Variants in DLGAP1 observed in about 807,000 individuals in gnomAD.
DLGAP1 encodes DLG associated protein 1, also known as disks large-associated protein 1.
In DLGAP1, 11 loss-of-function variants were observed where a neutral mutation model predicts 90.8. The observed-to-expected ratio is 0.12, with a 90% CI of 0.08 to 0.20. The LOEUF is 0.20. Ranked by LOEUF, DLGAP1 falls within the 10% of genes least tolerant of loss-of-function variation. DLGAP1 has a pLI of 1.00. For missense variants in DLGAP1, 1,050 were observed against 1,333.8 expected, an observed-to-expected ratio of 0.79 and a Z score of 3.31; for synonymous variants, 558 against 540.7, an observed-to-expected ratio of 1.03 and a Z score of -0.44.
At chr18:3,772,476 C>G (rs1598686353) in intron 5 of DLGAP1, among the ~76,000 whole-genome samples, 1 of 127,790 alleles carries the variant, frequency 7.8e-6, no homozygotes, top group African/African-American at 3.0e-5. Flanking sequence ...TTCTTTCTTT[C>G]TTTCTTCTGT....
chr18:3,716,515 G>C (rs1028128278), intron 7 of DLGAP1, among the ~76,000 whole-genome samples: 5 of 150,224 alleles, frequency 3.3e-5, no homozygotes, highest in South Asian at 4.3e-4. Flanking sequence ...CAGCCTGGGT[G>C]ACACAGTGAG....
chr18:4,287,834 A>G (rs1340435266), intron 1 of DLGAP1, among the ~76,000 whole-genome samples: 1 of 152,128 alleles, frequency 6.6e-6, no homozygotes, highest in Non-Finnish European at 1.5e-5. Context: ...CATGTATCCC[A>G]GAACTTAAAG....
chr18:4,153,642 G>A (rs943235961), intron 1 of DLGAP1, among the ~76,000 whole-genome samples: 2 of 152,152 alleles, frequency 1.3e-5, no homozygotes, highest in African/African-American at 2.4e-5. Flanking sequence ...ATTCAGGTAC[G>A]TTTTCTCATT....
At chr18:4,415,250 C>G (rs2082872294) in intron 1 of DLGAP1, among the ~76,000 whole-genome samples, 1 of 151,974 alleles carries the variant, frequency 6.6e-6, no homozygotes, top group South Asian at 2.1e-4. Context: ...AAAATGTAAT[C>G]CACAATTGAA....
intron 2 of DLGAP1, among the ~76,000 whole-genome samples, chr18:4,113,184 A>G (rs879407835): frequency 6.6e-6 from 1 of 152,152 alleles, no homozygotes; most frequent in Non-Finnish European, 1.5e-5. Context: ...GAAATCTCCA[A>G]ACTGCTTTCC....
intron 2 of DLGAP1, among the ~76,000 whole-genome samples, chr18:4,069,725 C>T (rs938722001): frequency 2.0e-5 from 3 of 152,158 alleles, no homozygotes; most frequent in Non-Finnish European, 2.9e-5. Context: ...GTTTGCAGAA[C>T]GTGAGCCAAT....
At chr18:4,292,265 C>T (rs576187411) in intron 1 of DLGAP1, among the ~76,000 whole-genome samples, 60 of 152,026 alleles carry the variant, frequency 3.9e-4, no homozygotes, top group Non-Finnish European at 7.8e-4. Flanking sequence ...TCCACTTTAT[C>T]ATTGTTTAAT....
chr18:4,150,583 G>A (rs1440429684), intron 2 of DLGAP1, among the ~76,000 whole-genome samples: 2 of 152,126 alleles, frequency 1.3e-5, no homozygotes, highest in African/African-American at 4.8e-5. Context: ...ACAGGCACCT[G>A]CCACCACACC....
chr18:4,129,766 C>T lies in DLGAP1; in HGVS notation c.-159+21414G>A, dbSNP rs551190676. On this transcript the variant is annotated intron_variant, in intron 2 of 12. Transcript: ENST00000315677. Reference sequence around the variant, plus strand: ...ATTCTGTCTACAGCTGTGCCATGAACGGACTCTGATTCCTTAGGCAAAGAA... The same window carrying T: ...ATTCTGTCTACAGCTGTGCCATGAATGGACTCTGATTCCTTAGGCAAAGAA... Among the ~76,000 whole-genome samples, 110 of 152,176 alleles carry T rather than the reference C, an allele frequency of 7.2e-4. 1 individual carries two copies. Among genetic ancestry groups the T allele is most frequent in the South Asian group, 3.1e-3 (15 of 4,816 alleles).
At chr18:4,046,503 A>G (rs1194778432) in intron 2 of DLGAP1, among the ~76,000 whole-genome samples, 1 of 152,238 alleles carries the variant, frequency 6.6e-6, no homozygotes, top group African/African-American at 2.4e-5. Flanking sequence ...AACTATGCCC[A>G]GGGGCGCACA....
intron 7 of DLGAP1, among the ~76,000 whole-genome samples, chr18:3,654,232 G>A (rs928550262): frequency 2.0e-5 from 3 of 152,170 alleles, no homozygotes; most frequent in Non-Finnish European, 4.4e-5. Context: ...AGAGGAGGCT[G>A]AGTGATGAGG....
At chr18:3,509,426 G>A (rs2050415123) in intron 10 of DLGAP1, among the ~76,000 whole-genome samples, 1 of 152,190 alleles carries the variant, frequency 6.6e-6, no homozygotes, top group South Asian at 2.1e-4. Flanking sequence ...TCAGCTGCCT[G>A]CAGGCGTGCT....
chr18:3,773,145 T>C (rs1686948267), intron 5 of DLGAP1, among the ~76,000 whole-genome samples: 2 of 152,128 alleles, frequency 1.3e-5, no homozygotes, highest in Non-Finnish European at 2.9e-5. Flanking sequence ...GCACTATTGA[T>C]ACACAAGGAA....
intron 7 of DLGAP1, among the ~76,000 whole-genome samples, chr18:3,689,947 A>G (rs2060833301): frequency 1.3e-5 from 2 of 152,126 alleles, no homozygotes; most frequent in African/African-American, 4.8e-5. Flanking sequence ...ATTTATTTCT[A>G]GAACACCTCA....
At position 3,814,202 on chromosome 18, in the gene DLGAP1, C is replaced by T; in HGVS notation, c.1029G>A (p.Arg343=). The T allele has an allele frequency of 1.9e-6, 3 of 1,614,160 alleles. No individual in the cohort carries two copies. Among genetic ancestry groups the T allele is most frequent in the Non-Finnish European group, 2.5e-6 (3 of 1,180,030 alleles). Reference sequence around the variant, plus strand: ...CCATGGCCTTGATATAACTGCCACTCCGCATTCTTCGGCATGGAATTTCAT... The same window carrying T: ...CCATGGCCTTGATATAACTGCCACTTCGCATTCTTCGGCATGGAATTTCAT... ...KDDEIPCRRM[R]SGSYIKAMGD... The change falls in exon 5 of 13, where the codon CGG becomes CGA. Residue 343 remains arginine, a synonymous_variant. Transcript: ENST00000315677.
chr18:3,742,315 G>T lies in DLGAP1; in HGVS notation c.1350+20C>A. 1 of 1,609,310 alleles carries T rather than the reference G, an allele frequency of 6.2e-7. No individual in the cohort carries two copies. The highest frequency in any genetic ancestry group is 2.2e-5 in the East Asian group (1 of 44,722). ...CTGCCACTAATGGCTCCTGACCACC[G>T]CTGCCCTGACGGCCCTCACCTGGCT... is the stretch of plus-strand genomic sequence containing the variant. On this transcript the variant is annotated intron_variant, in intron 6 of 12. Transcript: ENST00000315677.
intron 2 of DLGAP1, among the ~76,000 whole-genome samples, chr18:4,080,288 T>C (rs1415424570): frequency 6.6e-6 from 1 of 152,244 alleles, no homozygotes; most frequent in Non-Finnish European, 1.5e-5. Context: ...TGATAACTAA[T>C]AAATCATTTC....
At chr18:3,698,053 T>G (rs142773873) in intron 7 of DLGAP1, among the ~76,000 whole-genome samples, 3,012 of 152,310 alleles carry the variant, frequency 0.02, 103 homozygotes, top group African/African-American at 0.069. Flanking sequence ...TATTCCTCCA[T>G]CCCTTTATTT....
At position 3,848,127 on chromosome 18, in the gene DLGAP1, C is replaced by CAAA. The variant is rs3862177; in HGVS notation, c.957+30982_957+30984dup. Among the ~76,000 whole-genome samples, 69 of 32,076 alleles carry CAAA rather than the reference C, an allele frequency of 2.2e-3. 10 individuals carry two copies. Among genetic ancestry groups the CAAA allele is most frequent in the African/African-American group, 8.1e-3 (47 of 5,826 alleles). 21.0% of individuals were successfully genotyped at this position (32,076 alleles called of 152,430 possible). On this transcript the variant is annotated intron_variant, in intron 4 of 12. Coordinates refer to ENST00000315677, the MANE Select transcript of DLGAP1 (RefSeq NM_004746.4). ...TGGATGATGGAGCAAGGCCCCGTCT[C>CAAA]AAAAAAAAAAAAAAAAAAAAAAAAA...
Sources: allele counts gnomAD v4.1 joint callset (sites outside exome capture counted in the v4.1 genomes callset), GRCh38; gene constraint gnomAD v4.1.1; transcripts MANE v1.5; gene names NCBI Gene and HGNC (gene_info 2026-07-23, HGNC 2026-07-21).